PDE11A: variants seen among roughly 807,000 people sequenced by gnomAD.
PDE11A encodes the protein phosphodiesterase 11A, also known as dual 3',5'-cyclic-AMP and -GMP phosphodiesterase 11A.
PDE11A carries 100 observed loss-of-function variants against 100.5 expected under a neutral mutation model. The observed-to-expected ratio is 1.00, with a 90% CI of 0.85 to 1.18. The LOEUF (loss-of-function observed/expected upper bound fraction) is 1.18. Among genes scored for constraint, PDE11A ranks in the 50% most tolerant of loss-of-function variants. The pLI, the probability that PDE11A is intolerant of heterozygous loss-of-function variation, is 0.00. For synonymous variants in PDE11A, 381 were observed against 420.8 expected (o/e 0.91, Z 1.16); for missense variants, 1,141 against 1,152.6 (o/e 0.99, Z 0.15).
intron 18 of PDE11A, among the ~76,000 whole-genome samples, chr2:177,665,527 A>C (rs904073619): frequency 1.4e-5 from 2 of 143,284 alleles, no homozygotes. Context: ...TAAAATAAAA[A>C]TAAAGAAATA....
At chr2:177,851,336 T>C (rs2083697633) in intron 5 of PDE11A, among the ~76,000 whole-genome samples, 1 of 151,710 alleles carries the variant, frequency 6.6e-6, no homozygotes, top group African/African-American at 2.4e-5. Flanking sequence ...AATTGAACAA[T>C]GAGAACACTT....
In PDE11A at chr2:177,845,158, G is replaced by A. The variant is rs560360538; in HGVS notation, c.1368-4775C>T. On this transcript the variant is annotated intron_variant, in intron 5 of 19. Transcript: ENST00000286063. ...CACCTCCCGGACGGGGCGGCTGGCC[G>A]GGCGGGGGGCTGACCCCCCCCACCT... Among the ~76,000 whole-genome samples, 95 of 150,260 alleles carry A rather than the reference G, an allele frequency of 6.3e-4. No homozygotes were observed. The South Asian group carries it at 9.7e-3, about 15-fold the overall frequency.
At chr2:177,630,130 G>A (rs541980184) in intron 19 of PDE11A, among the ~76,000 whole-genome samples, 14 of 152,264 alleles carry the variant, frequency 9.2e-5, no homozygotes, top group South Asian at 6.2e-4. Flanking sequence ...AAATAGACAT[G>A]GCAGAAAGGG....
intron 9 of PDE11A, among the ~76,000 whole-genome samples, chr2:177,800,891 A>G (rs7559765): frequency 0.82 from 124,572 of 152,210 alleles, 51,257 homozygotes; most frequent in East Asian, 0.98. Context: ...AGTGGACCAC[A>G]AAAGAGCTCA....
At chr2:177,833,005 T>C (rs1220869364) in intron 6 of PDE11A, among the ~76,000 whole-genome samples, 1 of 151,724 alleles carries the variant, frequency 6.6e-6, no homozygotes, top group Admixed American at 6.5e-5. Context: ...TCATTCCTGC[T>C]CTAAAGCTTT....
intron 10 of PDE11A, among the ~76,000 whole-genome samples, chr2:177,766,991 G>T (rs1014670850): frequency 1.3e-5 from 2 of 152,106 alleles, no homozygotes. Flanking sequence ...CCAGGACAAT[G>T]TTTTCTTTAA....
chr2:177,862,973 T>C (rs1024149768), intron 5 of PDE11A, among the ~76,000 whole-genome samples: 4 of 151,880 alleles, frequency 2.6e-5, no homozygotes, highest in East Asian at 1.9e-4. Context: ...GATATTGACA[T>C]AAAAACTGAC....
chr2:178,068,468 A>G (rs1354621364), intron 1 of PDE11A, among the ~76,000 whole-genome samples: 2 of 152,086 alleles, frequency 1.3e-5, no homozygotes. Flanking sequence ...GGAACCCCCA[A>G]GAGTATCATC....
At chr2:177,920,401 GC>G (rs2085023438) in intron 2 of PDE11A, among the ~76,000 whole-genome samples, 1 of 151,594 alleles carries the variant, frequency 6.6e-6, no homozygotes, top group African/African-American at 2.4e-5. Flanking sequence ...AACACAAATA[GC>G]TAAAAGAAGA....
At chr2:177,891,462 T>C (rs113434946) in intron 4 of PDE11A, among the ~76,000 whole-genome samples, 13 of 152,338 alleles carry the variant, frequency 8.5e-5, no homozygotes, top group African/African-American at 2.9e-4. Flanking sequence ...CATAGAGCTG[T>C]TTGAAAGTGC....
chr2:177,647,632 A>T (rs2080242697), intron 19 of PDE11A, among the ~76,000 whole-genome samples: 1 of 152,196 alleles, frequency 6.6e-6, no homozygotes, highest in Non-Finnish European at 1.5e-5. Context: ...AGACATGCTT[A>T]GTTCTGAGAC....
intron 1 of PDE11A, among the ~76,000 whole-genome samples, chr2:178,020,663 G>A (rs2086396087): frequency 1.3e-5 from 2 of 152,082 alleles, no homozygotes; most frequent in African/African-American, 4.8e-5. Context: ...GTGGTGGTAG[G>A]CGCCTGTAAT....
At chr2:177,868,770 A>G (rs2084073913) in intron 5 of PDE11A, among the ~76,000 whole-genome samples, 1 of 152,202 alleles carries the variant, frequency 6.6e-6, no homozygotes, top group African/African-American at 2.4e-5. Context: ...GCCGTCACTT[A>G]TTGAACTTAG....
chr2:177,733,668 G>A (rs2081726956), intron 10 of PDE11A, among the ~76,000 whole-genome samples: 2 of 152,168 alleles, frequency 1.3e-5, no homozygotes, highest in African/African-American at 4.8e-5. Flanking sequence ...TTAATCCTCT[G>A]GACAAAAAGC....
At chr2:177,788,633 G>C (rs1412489805) in intron 9 of PDE11A, among the ~76,000 whole-genome samples, 2 of 151,904 alleles carry the variant, frequency 1.3e-5, no homozygotes, top group East Asian at 3.8e-4. Flanking sequence ...AAAATTGATA[G>C]ACTGCTAGCA....
At chr2:177,933,596 GC>G (rs1459618478) in intron 2 of PDE11A, among the ~76,000 whole-genome samples, 4 of 152,086 alleles carry the variant, frequency 2.6e-5, no homozygotes, top group African/African-American at 9.7e-5. Context: ...CAGGAGAATT[GC>G]TTGAACCAGG....
intron 4 of PDE11A, among the ~76,000 whole-genome samples, chr2:177,891,537 T>C (rs1379840256): frequency 6.6e-6 from 1 of 152,214 alleles, no homozygotes; most frequent in African/African-American, 2.4e-5. Context: ...ATAAAACATA[T>C]TAACCAGTAT....
intron 4 of PDE11A, among the ~76,000 whole-genome samples, chr2:177,889,224 T>C (rs970490099): frequency 6.6e-6 from 1 of 152,210 alleles, no homozygotes; most frequent in African/African-American, 2.4e-5. Flanking sequence ...TTTGTAGATA[T>C]TGCCCATTGT....
intron 1 of PDE11A, among the ~76,000 whole-genome samples, chr2:178,040,851 CATA>C (rs1402806008): frequency 1.3e-5 from 2 of 152,148 alleles, no homozygotes; most frequent in Non-Finnish European, 2.9e-5. Context: ...TTATGACTTT[CATA>C]ATAGTGTCTG....
Sources: gnomAD v4.1 joint callset for allele counts (sites outside exome capture counted in the v4.1 genomes callset) on GRCh38, gnomAD v4.1.1 for gene constraint, MANE v1.5 for transcripts, NCBI Gene and HGNC (gene_info 2026-07-23, HGNC 2026-07-21) for gene names.